SLC24A2: variants seen among roughly 807,000 people sequenced by gnomAD.
SLC24A2 encodes sodium/potassium/calcium exchanger 2.
Under a neutral mutation model 62.0 loss-of-function variants are expected in SLC24A2, and 36 were observed. That is an observed-to-expected ratio of 0.58 (90% CI 0.44 to 0.77). SLC24A2 has a LOEUF of 0.77. Among genes scored for constraint, SLC24A2 ranks in the 30% least tolerant of loss-of-function variants. SLC24A2 has a pLI of 0.00. For synonymous variants in SLC24A2, 358 were observed against 294.0 expected, an observed-to-expected ratio of 1.22 and a Z score of -2.23; for missense variants, 846 against 817.9, an observed-to-expected ratio of 1.03 and a Z score of -0.42.
the SLC24A2 span, among the ~76,000 whole-genome samples, chr9:19,850,985 G>GTATA: frequency 5.2e-5 from 1 of 19,254 alleles, no homozygotes; most frequent in South Asian, 1.4e-3. Flanking sequence ...ATATATATAT[G>GTATA]TATATATATA....
At chr9:20,087,328 G>A in the SLC24A2 span, among the ~76,000 whole-genome samples, 8 of 152,266 alleles carry the variant, frequency 5.3e-5, no homozygotes, top group South Asian at 2.1e-4. Flanking sequence ...AGAATGGAAT[G>A]TTTACATAAG....
chr9:20,031,907 T>C, the SLC24A2 span, among the ~76,000 whole-genome samples: 5 of 152,168 alleles, frequency 3.3e-5, no homozygotes, highest in Admixed American at 1.3e-4. Flanking sequence ...GTGCACCAAT[T>C]CTAATTGTGT....
chr9:19,627,760 C>G (rs1818072291), intron 2 of SLC24A2, among the ~76,000 whole-genome samples: 1 of 152,098 alleles, frequency 6.6e-6, no homozygotes, highest in Non-Finnish European at 1.5e-5. Flanking sequence ...TCTCGAACTC[C>G]TAGTCTGAAG....
the SLC24A2 span, among the ~76,000 whole-genome samples, chr9:20,218,885 G>A: frequency 6.6e-6 from 1 of 152,270 alleles, no homozygotes; most frequent in East Asian, 1.9e-4. Flanking sequence ...GTGTCTGCGA[G>A]GAATGCAGCC....
At chr9:19,792,301 A>G (rs1564104370), upstream of SLC24A2, among the ~76,000 whole-genome samples, 2 of 152,174 alleles carry the variant, frequency 1.3e-5, no homozygotes, top group South Asian at 4.1e-4. Context: ...CTCTGGAGTC[A>G]TAGTAATGAT....
chr9:20,156,590 A>G, the SLC24A2 span, among the ~76,000 whole-genome samples: 1 of 151,726 alleles, frequency 6.6e-6, no homozygotes, highest in Non-Finnish European at 1.5e-5. Flanking sequence ...CAAGGCACAT[A>G]TGTTGCTAAA....
At chr9:19,727,432 C>T (rs1236175110) in intron 2 of SLC24A2, among the ~76,000 whole-genome samples, 1 of 152,088 alleles carries the variant, frequency 6.6e-6, no homozygotes, top group Admixed American at 6.5e-5. Flanking sequence ...TTCCCCATAG[C>T]ATTTTGCACT....
the SLC24A2 span, among the ~76,000 whole-genome samples, chr9:20,007,879 C>CTTTTTTTTTTTTTTTT: frequency 2.5e-5 from 1 of 39,510 alleles, no homozygotes; most frequent in Non-Finnish European, 4.6e-5. Flanking sequence ...TTACTCCTCT[C>CTTTTTTTTTTTTTTTT]TTTTTTTTTT....
the SLC24A2 span, among the ~76,000 whole-genome samples, chr9:20,026,421 T>C: frequency 2.0e-5 from 3 of 152,330 alleles, no homozygotes; most frequent in East Asian, 5.8e-4. Context: ...GAGCTATTAT[T>C]AGCTATTATT....
At chr9:20,220,531 T>C in the SLC24A2 span, among the ~76,000 whole-genome samples, 1 of 152,156 alleles carries the variant, frequency 6.6e-6, no homozygotes, top group African/African-American at 2.4e-5. Flanking sequence ...ATCCATGTAT[T>C]TGTCAGGATT....
chr9:19,548,381 C>G (rs1047614208), intron 8 of SLC24A2, among the ~76,000 whole-genome samples: 9 of 152,038 alleles, frequency 5.9e-5, no homozygotes, highest in African/African-American at 2.2e-4. Flanking sequence ...TAGGAAATGA[C>G]CAGGTATAAA....
chr9:19,588,511 A>T (rs1836442105), intron 5 of SLC24A2, among the ~76,000 whole-genome samples: 1 of 152,164 alleles, frequency 6.6e-6, no homozygotes, highest in South Asian at 2.1e-4. Context: ...GAGAGGTCAA[A>T]TACCTCTACC....
chr9:20,142,244 G>A, the SLC24A2 span, among the ~76,000 whole-genome samples: 31 of 152,106 alleles, frequency 2.0e-4, no homozygotes, highest in Non-Finnish European at 3.5e-4. Context: ...AATAATTACC[G>A]ATTGATTAGT....
the SLC24A2 span, among the ~76,000 whole-genome samples, chr9:20,206,561 C>A: frequency 1.3e-5 from 2 of 152,272 alleles, no homozygotes; most frequent in South Asian, 4.1e-4. Flanking sequence ...ACAATCTCGG[C>A]TCACTGCAAC....
chr9:20,258,816 C>A, the SLC24A2 span, among the ~76,000 whole-genome samples: 7 of 123,466 alleles, frequency 5.7e-5, no homozygotes, highest in East Asian at 1.9e-3. Flanking sequence ...ATCTATCTAC[C>A]TTATCTATCT....
chr9:19,824,311 T>A, the SLC24A2 span, among the ~76,000 whole-genome samples: 177 of 152,050 alleles, frequency 1.2e-3, no homozygotes, highest in African/African-American at 4.1e-3. Flanking sequence ...TACAAGGAAC[T>A]CAAACAAATT....
chr9:19,636,315 T>TTTTCTTTTCTTTCCTTTCTTTCTTTC, intron 2 of SLC24A2, among the ~76,000 whole-genome samples: 5 of 40,328 alleles, frequency 1.2e-4, no homozygotes, highest in African/African-American at 5.8e-4. Flanking sequence ...TTTTCTTTTC[T>TTTTCTTTTCTTTCCTTTCTTTCTTTC]TTTCTTTCTT....
chr9:19,707,175 C>T (rs969125604), intron 2 of SLC24A2, among the ~76,000 whole-genome samples: 18 of 151,326 alleles, frequency 1.2e-4, no homozygotes, highest in East Asian at 3.9e-4. Flanking sequence ...ATAAATTCCT[C>T]GACACATACA....
At chr9:19,707,856 G>A (rs1587191481) in intron 2 of SLC24A2, among the ~76,000 whole-genome samples, 1 of 152,158 alleles carries the variant, frequency 6.6e-6, no homozygotes, top group African/African-American at 2.4e-5. Flanking sequence ...AGACAGGGAT[G>A]CCCTCTCTCA....
Sources: allele counts gnomAD v4.1 joint callset (sites outside exome capture counted in the v4.1 genomes callset), GRCh38; gene constraint gnomAD v4.1.1; transcripts MANE v1.5; gene names NCBI Gene and HGNC (gene_info 2026-07-23, HGNC 2026-07-21).